The following RYR2 variants were observed in gnomAD, a reference collection of about 807,000 sequenced individuals.
RYR2 encodes the protein cardiac muscle ryanodine receptor-calcium release channel.
In RYR2, 227 loss-of-function variants were observed where a neutral mutation model predicts 601.1. The observed-to-expected ratio is 0.38, with a 90% confidence interval of 0.34 to 0.42. The LOEUF is 0.42. Ranked by LOEUF, RYR2 falls within the 10% of genes least tolerant of loss-of-function variation. The probability of loss-of-function intolerance (pLI) is 1.00; values close to 1 mark genes in which losing one functional copy is unlikely to be tolerated. For missense variants in RYR2, 4,646 were observed against 6,156.5 expected (o/e 0.75, Z 8.21); for synonymous variants, 2,223 against 2,175.1 (o/e 1.02, Z -0.61).
intron 1 of RYR2, among the ~76,000 whole-genome samples, chr1:237,130,587 C>G (rs1672054609): frequency 6.6e-6 from 1 of 152,054 alleles, no homozygotes; most frequent in Non-Finnish European, 1.5e-5. Flanking sequence ...TGGTGTGCAC[C>G]TGTAATCCCA....
chr1:237,777,536 C>T (rs1347829715), intron 87 of RYR2, among the ~76,000 whole-genome samples: 8 of 151,994 alleles, frequency 5.3e-5, no homozygotes, highest in Non-Finnish European at 1.2e-4. Context: ...GTACTTTTTT[C>T]CTTTCTAAGT....
At chr1:237,529,294 C>T (rs1253527537) in intron 24 of RYR2, among the ~76,000 whole-genome samples, 1 of 151,932 alleles carries the variant, frequency 6.6e-6, no homozygotes, top group African/African-American at 2.4e-5. Flanking sequence ...CTTGGTCTTC[C>T]CATAGTTTTG....
At chr1:237,423,021 CAT>C in intron 11 of RYR2, 69 bp from the exon 12 acceptor site, 2 of 1,516,902 alleles carry the variant, frequency 1.3e-6, no homozygotes, top group Non-Finnish European at 1.8e-6. Flanking sequence ...CATTGTCCGA[CAT>C]ATGTTTTAAT....
chr1:237,756,464 C>A, intron 81 of RYR2, 77 bp downstream of exon 81: 1 of 899,286 alleles, frequency 1.1e-6, no homozygotes, highest in Non-Finnish European at 1.7e-6. Context: ...TCCCTCATTT[C>A]AATTCCACTG....
In RYR2 at chr1:237,445,318, C is replaced by T. The variant is rs1708233789; in HGVS notation, c.1171-83C>T. ...TTTGATTCTATCTGTTGTTATGGCT[C>T]AGCTGTTTGAGTACACATCTCCCTA... On this transcript the variant is annotated intron_variant, in intron 13 of 104. Coordinates refer to ENST00000366574, the MANE Select transcript of RYR2 (RefSeq NM_001035.3). The T allele has an allele frequency of 3.9e-6, 6 of 1,552,526 alleles. No homozygotes were observed. In the South Asian group the frequency reaches 7.1e-5, roughly 18 times the overall value.
intron 14 of RYR2, among the ~76,000 whole-genome samples, chr1:237,447,413 A>T (rs1009491936): frequency 1.3e-5 from 2 of 152,200 alleles, no homozygotes; most frequent in Non-Finnish European, 2.9e-5. Flanking sequence ...AGTACCAAGT[A>T]TGAGAAATTT....
intron 17 of RYR2, among the ~76,000 whole-genome samples, chr1:237,488,484 A>G (rs1002192383): frequency 6.6e-6 from 1 of 152,118 alleles, no homozygotes; most frequent in African/African-American, 2.4e-5. Flanking sequence ...TTCATGACCT[A>G]ATCACCTCCC....
chr1:237,711,408 A>C (rs376122542), intron 70 of RYR2, among the ~76,000 whole-genome samples: 3 of 152,316 alleles, frequency 2.0e-5, no homozygotes, highest in East Asian at 3.9e-4. Flanking sequence ...CGGAAAGTCT[A>C]TGTTAATCTC....
intron 34 of RYR2, among the ~76,000 whole-genome samples, chr1:237,601,449 G>T (rs1026947306): frequency 2.6e-5 from 4 of 152,264 alleles, no homozygotes; most frequent in Admixed American, 1.3e-4. Context: ...GAAAGTGGGG[G>T]AGAGGGAGCA....
chr1:237,363,844 T>G (rs1348847054), intron 4 of RYR2, among the ~76,000 whole-genome samples: 2 of 152,198 alleles, frequency 1.3e-5, no homozygotes, highest in South Asian at 4.1e-4. Flanking sequence ...CAATATTCAG[T>G]GTCTAAGAAA....
chr1:237,565,397 C>A (rs1306165077), intron 27 of RYR2, among the ~76,000 whole-genome samples: 1 of 151,924 alleles, frequency 6.6e-6, no homozygotes, highest in Non-Finnish European at 1.5e-5. Context: ...TCTTGAGAAG[C>A]TTGGACTTAC....
intron 1 of RYR2, among the ~76,000 whole-genome samples, chr1:237,120,460 G>C (rs1055124920): frequency 3.9e-5 from 6 of 152,158 alleles, no homozygotes; most frequent in African/African-American, 9.7e-5. Flanking sequence ...ACAATGCCTG[G>C]GAAGTATTTA....
chr1:237,308,278 G>A (rs1305901650), intron 2 of RYR2, among the ~76,000 whole-genome samples: 1 of 152,172 alleles, frequency 6.6e-6, no homozygotes, highest in Non-Finnish European at 1.5e-5. Context: ...CATTGGAGCA[G>A]AACACATCTC....
intron 3 of RYR2, among the ~76,000 whole-genome samples, chr1:237,340,119 A>G (rs1697633092): frequency 6.6e-6 from 1 of 152,196 alleles, no homozygotes; most frequent in Non-Finnish European, 1.5e-5. Context: ...GTATGCTTTC[A>G]CTGGAAATGT....
At chr1:237,611,891 C>T (rs1301985806) in intron 36 of RYR2, among the ~76,000 whole-genome samples, 2 of 151,950 alleles carry the variant, frequency 1.3e-5, no homozygotes, top group East Asian at 1.9e-4. Flanking sequence ...AAAATTATAG[C>T]GTTAACATGT....
chr1:237,464,977 A>C (rs1314684693), intron 16 of RYR2, among the ~76,000 whole-genome samples: 3 of 152,052 alleles, frequency 2.0e-5, no homozygotes, highest in Admixed American at 2.0e-4. Flanking sequence ...TACTTTAGAA[A>C]CTCACATAAC....
Position 237,604,270 on chromosome 1 carries a change from A to G in RYR2, c.4683+2159A>G, listed in dbSNP as rs146924077. Reference sequence around the variant, plus strand: ...ACTAGAACTCAGGATTAAGAAACTCACTCAAAACCACTCAACTACATGGAC... The same window carrying G: ...ACTAGAACTCAGGATTAAGAAACTCGCTCAAAACCACTCAACTACATGGAC... On this transcript the variant is annotated intron_variant, in intron 35 of 104. Transcript: ENST00000366574. 6.4e-3 allele frequency among the ~76,000 whole-genome samples: 968 copies of G among 152,312 alleles called. 8 individuals carry two copies. Among genetic ancestry groups the G allele is most frequent in the Non-Finnish European group, 0.011 (733 of 68,024 alleles).
intron 6 of RYR2, among the ~76,000 whole-genome samples, chr1:237,373,512 CT>C (rs1359586858): frequency 1.3e-5 from 2 of 152,302 alleles, no homozygotes; most frequent in East Asian, 3.9e-4. Flanking sequence ...TGGCAGTGCA[CT>C]TGCTTCGTGA....
chr1:237,255,708 A>G (rs922293478), intron 1 of RYR2, among the ~76,000 whole-genome samples: 3 of 152,136 alleles, frequency 2.0e-5, no homozygotes, highest in African/African-American at 7.2e-5. Context: ...TGGATTTTCC[A>G]TGTGATCATA....
Sources: allele counts gnomAD v4.1 joint callset (sites outside exome capture counted in the v4.1 genomes callset), GRCh38; gene constraint gnomAD v4.1.1; transcripts MANE v1.5; gene names NCBI Gene and HGNC (gene_info 2026-07-23, HGNC 2026-07-21).